PSD3: variants seen among roughly 807,000 people sequenced by gnomAD.
The protein encoded by PSD3 is PH and SEC7 domain-containing protein 3.
In PSD3, 49 loss-of-function variants were observed where a neutral mutation model predicts 105.5. That is an observed-to-expected ratio of 0.46 (90% CI 0.37 to 0.59). PSD3 has a LOEUF of 0.59. Ranked by LOEUF, PSD3 falls within the 20% of genes least tolerant of loss-of-function variation. PSD3 has a pLI of 0.00. For missense variants in PSD3, 1,561 were observed against 1,263.8 expected, an observed-to-expected ratio of 1.24 and a Z score of -3.57; for synonymous variants, 557 against 457.8, an observed-to-expected ratio of 1.22 and a Z score of -2.77.
chr8:18,892,527 A>G (rs1302566138), intron 2 of PSD3, among the ~76,000 whole-genome samples: 2 of 151,872 alleles, frequency 1.3e-5, no homozygotes, highest in African/African-American at 4.8e-5. Flanking sequence ...CTGGCCATAA[A>G]CATTTTTAAT....
intron 1 of PSD3, among the ~76,000 whole-genome samples, chr8:18,939,701 T>C (rs375566319): frequency 1.3e-5 from 2 of 152,192 alleles, no homozygotes; most frequent in Non-Finnish European, 2.9e-5. Context: ...TACATTATTG[T>C]ATGCATTTAA....
intron 9 of PSD3, chr8:18,733,093 G>C (rs7824687): frequency 0.81 from 123,175 of 152,044 alleles, 50,916 homozygotes; most frequent in Non-Finnish European, 0.9. Flanking sequence ...TAAAAATACA[G>C]AAAGAGAACA....
chr8:19,023,393 CTATTTATT>C (rs141650647), intron 1 of PSD3, among the ~76,000 whole-genome samples: 39,510 of 144,846 alleles, frequency 0.27, 6,235 homozygotes, highest in East Asian at 0.37. Context: ...AATATAGCCA[CTATTTATT>C]TATTTATTTA....
chr8:18,745,049 A>C (rs1024283263), intron 9 of PSD3, among the ~76,000 whole-genome samples: 10 of 152,208 alleles, frequency 6.6e-5, no homozygotes, highest in Non-Finnish European at 1.3e-4. Context: ...CTTCTCCTTT[A>C]GAGCATCAGA....
intron 4 of PSD3, among the ~76,000 whole-genome samples, chr8:18,805,423 T>A (rs1047306307): frequency 6.6e-6 from 1 of 152,158 alleles, no homozygotes; most frequent in African/African-American, 2.4e-5. Flanking sequence ...TGAAACACAT[T>A]AAGAAAATGT....
intron 1 of PSD3, among the ~76,000 whole-genome samples, chr8:18,980,734 A>G (rs1379224026): frequency 1.3e-5 from 2 of 152,104 alleles, no homozygotes; most frequent in Non-Finnish European, 2.9e-5. Flanking sequence ...AATTACAATA[A>G]ACATATCCAA....
intron 4 of PSD3, among the ~76,000 whole-genome samples, chr8:18,842,593 C>A (rs532683320): frequency 1.3e-5 from 2 of 151,896 alleles, no homozygotes; most frequent in Non-Finnish European, 2.9e-5. Context: ...ATTAGCCGGG[C>A]GTGGTGGGAG....
intron 11 of PSD3, among the ~76,000 whole-genome samples, chr8:18,625,616 T>C (rs1476135882): frequency 6.6e-6 from 1 of 152,172 alleles, no homozygotes; most frequent in East Asian, 1.9e-4. Context: ...ACACAAAAAA[T>C]GCAGAATTTA....
At chr8:18,796,349 G>A (rs1429103973) in intron 8 of PSD3, among the ~76,000 whole-genome samples, 1 of 152,144 alleles carries the variant, frequency 6.6e-6, no homozygotes, top group Non-Finnish European at 1.5e-5. Flanking sequence ...AATACCATCA[G>A]AGAGGATTAT....
chr8:18,836,989 C>G (rs78678896), intron 4 of PSD3, among the ~76,000 whole-genome samples: 403 of 150,494 alleles, frequency 2.7e-3, no homozygotes, highest in African/African-American at 9.4e-3. Flanking sequence ...AGACCTTGCT[C>G]AAATCAAGTT....
intron 2 of PSD3, among the ~76,000 whole-genome samples, chr8:18,879,047 C>A (rs978062406): frequency 3.0e-5 from 4 of 133,852 alleles, no homozygotes; most frequent in Non-Finnish European, 6.4e-5. Context: ...AACACACACA[C>A]ACAAACACAC....
intron 9 of PSD3, among the ~76,000 whole-genome samples, chr8:18,739,863 A>G (rs1804425399): frequency 6.6e-6 from 1 of 152,244 alleles, no homozygotes; most frequent in Non-Finnish European, 1.5e-5. Flanking sequence ...TGTCTTCATC[A>G]GTCTAATTCT....
chr8:18,590,215 A>T (rs1803492694), intron 12 of PSD3, among the ~76,000 whole-genome samples: 1 of 152,218 alleles, frequency 6.6e-6, no homozygotes, highest in Non-Finnish European at 1.5e-5. Flanking sequence ...AAATAACAAT[A>T]AATCAAATGT....
At chr8:18,587,207 C>A (rs574864709) in intron 12 of PSD3, among the ~76,000 whole-genome samples, 6 of 152,280 alleles carry the variant, frequency 3.9e-5, no homozygotes, top group African/African-American at 7.2e-5. Context: ...ACATGCCCCA[C>A]ACAGGTCCTG....
At chr8:18,605,478 G>T (rs1481864105) in intron 11 of PSD3, among the ~76,000 whole-genome samples, 3 of 152,056 alleles carry the variant, frequency 2.0e-5, no homozygotes, top group African/African-American at 4.8e-5. Context: ...GATTTTACAG[G>T]TTCATAGGTA....
intron 9 of PSD3, among the ~76,000 whole-genome samples, chr8:18,705,269 T>C (rs1387181682): frequency 6.6e-6 from 1 of 152,206 alleles, no homozygotes; most frequent in Non-Finnish European, 1.5e-5. Context: ...GGCTCATGCC[T>C]GTAATCCCAG....
At position 18,995,124 on chromosome 8, in the gene PSD3, T is replaced by C. The variant is rs146797481; in HGVS notation, c.21+18439A>G. On this transcript the variant is annotated intron_variant, in intron 1 of 15. Transcript: ENST00000327040. ...ACTGAAGAGATTTGGCCTTAGCAAG[T>C]AGGAATCCAGAGAATTTAAAAGCTG... 6.7e-3 allele frequency among the ~76,000 whole-genome samples: 1,023 copies of C among 152,248 alleles called. 14 individuals are homozygous for C. Among genetic ancestry groups the C allele is most frequent in the African/African-American group, 0.023 (949 of 41,566 alleles).
chr8:18,743,612 A>G (rs1369329285), intron 9 of PSD3, among the ~76,000 whole-genome samples: 1 of 152,062 alleles, frequency 6.6e-6, no homozygotes, highest in Non-Finnish European at 1.5e-5. Context: ...CATATTTTGG[A>G]GTGAAGTTCC....
intron 12 of PSD3, among the ~76,000 whole-genome samples, chr8:18,576,811 C>G (rs1369607606): frequency 2.0e-5 from 3 of 151,906 alleles, no homozygotes; most frequent in Non-Finnish European, 4.4e-5. Flanking sequence ...TATGCCACCT[C>G]CATTTCCATA....
Sources: gnomAD v4.1 joint callset for allele counts (sites outside exome capture counted in the v4.1 genomes callset) on GRCh38, gnomAD v4.1.1 for gene constraint, MANE v1.5 for transcripts, NCBI Gene and HGNC (gene_info 2026-07-23, HGNC 2026-07-21) for gene names.